Variants in KAZN observed in about 807,000 individuals in gnomAD.
The protein encoded by KAZN is kazrin, periplakin interacting protein.
KAZN carries 40 observed loss-of-function variants against 87.4 expected under a neutral mutation model. The ratio of observed to expected loss-of-function variants is 0.46; its 90% CI spans 0.36 to 0.60. The LOEUF (loss-of-function observed/expected upper bound fraction) is 0.60, where lower values mean the gene tolerates loss of function less well. KAZN is among the 20% of genes least tolerant of loss of function. KAZN has a pLI of 0.00. For missense variants in KAZN, 898 were observed against 1,073.9 expected, an observed-to-expected ratio of 0.84 and a Z score of 2.29; for synonymous variants, 466 against 458.3, an observed-to-expected ratio of 1.02 and a Z score of -0.22.
intron 1 of KAZN, among the ~76,000 whole-genome samples, chr1:14,894,936 C>T (rs1383172485): frequency 6.6e-6 from 1 of 152,260 alleles, no homozygotes; most frequent in African/African-American, 2.4e-5. Context: ...ACTCAGCTGC[C>T]CCAGAGGCTT....
intron 1 of KAZN, among the ~76,000 whole-genome samples, chr1:14,751,280 G>A (rs1019328552): frequency 6.6e-6 from 1 of 152,096 alleles, no homozygotes; most frequent in African/African-American, 2.4e-5. Flanking sequence ...TACTTAATAC[G>A]TACATGTGAA....
At chr1:14,871,018 G>A (rs574738131) in intron 1 of KAZN, among the ~76,000 whole-genome samples, 169 of 152,306 alleles carry the variant, frequency 1.1e-3, no homozygotes, top group African/African-American at 3.9e-3. Flanking sequence ...ATCCTCCATG[G>A]TCTCAGCTCA....
chr1:14,838,525 G>A (rs7546946), intron 1 of KAZN, among the ~76,000 whole-genome samples: 20,471 of 152,046 alleles, frequency 0.13, 2,548 homozygotes, highest in African/African-American at 0.34. Context: ...CTTCTGTTCA[G>A]CTTCACAAAA....
At chr1:14,242,714 G>A (rs1040182244) in intron 2 of KAZN, among the ~76,000 whole-genome samples, 2 of 152,178 alleles carry the variant, frequency 1.3e-5, no homozygotes, top group African/African-American at 4.8e-5. Flanking sequence ...AAGCTAACTT[G>A]AACTTTGACC....
At chr1:14,911,023 G>A (rs57405108) in intron 1 of KAZN, among the ~76,000 whole-genome samples, 1,647 of 152,262 alleles carry the variant, frequency 0.011, 27 homozygotes, top group African/African-American at 0.037. Context: ...TCCTGAGCCC[G>A]CACAGTGCAG....
intron 1 of KAZN, among the ~76,000 whole-genome samples, chr1:14,113,960 G>T (rs1338585813): frequency 6.6e-6 from 1 of 152,172 alleles, no homozygotes; most frequent in African/African-American, 2.4e-5. Context: ...CCTTGTTTGG[G>T]TAGGAAGGGA....
At chr1:13,932,008 A>ATTTTTT (rs35231877) in intron 1 of KAZN, among the ~76,000 whole-genome samples, 7 of 122,916 alleles carry the variant, frequency 5.7e-5, no homozygotes, top group African/African-American at 9.3e-5. Flanking sequence ...GGCTTGGCTA[A>ATTTTTT]TTTTTTTTTT....
At chr1:14,478,361 G>C (rs897429684) in intron 2 of KAZN, among the ~76,000 whole-genome samples, 1 of 152,154 alleles carries the variant, frequency 6.6e-6, no homozygotes, top group South Asian at 2.1e-4. Flanking sequence ...TGAATACACA[G>C]ATGGAAGAAT....
At chr1:15,007,072 A>AAG (rs1669096654) in intron 2 of KAZN, among the ~76,000 whole-genome samples, 1 of 128,032 alleles carries the variant, frequency 7.8e-6, no homozygotes, top group Non-Finnish European at 1.7e-5. Flanking sequence ...AAAAAAAAAA[A>AAG]AAAAAGAAAA....
chr1:14,200,187 G>A (rs1206407971), intron 2 of KAZN, among the ~76,000 whole-genome samples: 1 of 152,020 alleles, frequency 6.6e-6, no homozygotes, highest in Non-Finnish European at 1.5e-5. Flanking sequence ...ATGAATTTGA[G>A]CTCATCCCTA....
At chr1:14,508,773 T>C (rs576591092) in intron 2 of KAZN, among the ~76,000 whole-genome samples, 6 of 152,306 alleles carry the variant, frequency 3.9e-5, no homozygotes, top group Non-Finnish European at 8.8e-5. Context: ...CTTCATGGTT[T>C]CAGAAAAATC....
intron 1 of KAZN, among the ~76,000 whole-genome samples, chr1:14,721,881 C>T (rs189961664): frequency 4.6e-5 from 7 of 152,196 alleles, no homozygotes; most frequent in Admixed American, 1.3e-4. Context: ...AGACCGGGTG[C>T]GGTGGCTCAC....
At chr1:14,212,051 A>T (rs528895830) in intron 2 of KAZN, among the ~76,000 whole-genome samples, 1 of 152,246 alleles carries the variant, frequency 6.6e-6, no homozygotes, top group African/African-American at 2.4e-5. Flanking sequence ...GAGGGCTGGA[A>T]CACCTCTTAT....
intron 1 of KAZN, among the ~76,000 whole-genome samples, chr1:14,008,119 T>A (rs939566701): frequency 6.6e-6 from 1 of 152,216 alleles, no homozygotes; most frequent in Non-Finnish European, 1.5e-5. Flanking sequence ...GGTCAAGGCA[T>A]GCTGCTCCCA....
chr1:14,197,931 T>C (rs1646562252), intron 2 of KAZN, among the ~76,000 whole-genome samples: 1 of 152,100 alleles, frequency 6.6e-6, no homozygotes, highest in African/African-American at 2.4e-5. Flanking sequence ...TTTGTGGTCA[T>C]AATGGCTGGA....
At chr1:14,139,561 T>G (rs1178141339) in intron 1 of KAZN, among the ~76,000 whole-genome samples, 1 of 152,212 alleles carries the variant, frequency 6.6e-6, no homozygotes, top group Non-Finnish European at 1.5e-5. Flanking sequence ...TATTCCACTT[T>G]TGCTTCCTGC....
intron 1 of KAZN, among the ~76,000 whole-genome samples, chr1:13,900,910 T>C (rs1490244095): frequency 6.6e-6 from 1 of 152,130 alleles, no homozygotes; most frequent in East Asian, 1.9e-4. Flanking sequence ...CTATTACTAT[T>C]TGTTATTAGT....
chr1:14,907,252 A>C (rs951100516), intron 1 of KAZN, among the ~76,000 whole-genome samples: 1 of 151,488 alleles, frequency 6.6e-6, no homozygotes, highest in Non-Finnish European at 1.5e-5. Context: ...TACAAAAACA[A>C]TTAGCAGGGC....
At chr1:14,487,217 T>C (rs978134387) in intron 2 of KAZN, among the ~76,000 whole-genome samples, 2 of 152,188 alleles carry the variant, frequency 1.3e-5, no homozygotes, top group African/African-American at 2.4e-5. Flanking sequence ...TGACCTGGTT[T>C]TTTGGGGACA....
Sources: allele counts gnomAD v4.1 joint callset (sites outside exome capture counted in the v4.1 genomes callset), GRCh38; gene constraint gnomAD v4.1.1; transcripts MANE v1.5; gene names NCBI Gene and HGNC (gene_info 2026-07-23, HGNC 2026-07-21).